The following TTLL11 variants were observed in gnomAD, a reference collection of about 807,000 sequenced individuals.
TTLL11 encodes tubulin tyrosine ligase like 11.
A neutral mutation model predicts 51.7 loss-of-function variants in TTLL11; 42 were observed. That is an observed-to-expected ratio of 0.81 (90% confidence interval 0.64 to 1.05). The LOEUF (loss-of-function observed/expected upper bound fraction) is 1.05, where lower values mean the gene tolerates loss of function less well. TTLL11 is among the 50% of genes least tolerant of loss of function. TTLL11 has a pLI of 0.00. For missense variants in TTLL11, 799 were observed against 940.4 expected (o/e 0.85, Z 1.97); for synonymous variants, 381 against 383.5 (o/e 0.99, Z 0.08).
Position 121,911,270 on chromosome 9 carries a change from G to A in TTLL11, c.1482-40522C>T, listed in dbSNP as rs570189217. On this transcript the variant is annotated intron_variant, in intron 6 of 8. Coordinates refer to ENST00000321582, the MANE Select transcript of TTLL11 (RefSeq NM_001139442.2). Reference sequence around the variant, plus strand: ...AAATTAGCCAGGCATGGTGGCGGGCGTCTGTAATCCCAGCTACTCTGGAGG... The same window carrying A: ...AAATTAGCCAGGCATGGTGGCGGGCATCTGTAATCCCAGCTACTCTGGAGG... Among the ~76,000 whole-genome samples the A allele has an allele frequency of 2.1e-3, 318 of 152,182 alleles. 1 individual carries two copies. The highest frequency in any genetic ancestry group is 7.3e-3 in the African/African-American group (303 of 41,522).
intron 1 of TTLL11, among the ~76,000 whole-genome samples, chr9:122,077,270 C>T (rs1845887800): frequency 1.3e-5 from 2 of 151,966 alleles, no homozygotes; most frequent in Non-Finnish European, 1.5e-5. Context: ...ACCAATAACG[C>T]CTAATTTGTG....
chr9:121,984,248 TA>T (rs141347541), intron 4 of TTLL11, among the ~76,000 whole-genome samples: 10,175 of 152,242 alleles, frequency 0.067, 655 homozygotes, highest in African/African-American at 0.16. Context: ...CTGTTAGGTT[TA>T]AAATGTGAAT....
intron 3 of TTLL11, among the ~76,000 whole-genome samples, chr9:122,020,779 G>A (rs996606404): frequency 9.2e-5 from 14 of 152,204 alleles, no homozygotes; most frequent in Non-Finnish European, 1.5e-4. Flanking sequence ...CTCTCTACCA[G>A]GTAGGCAAAC....
At chr9:121,938,146 G>A (rs946801383) in intron 6 of TTLL11, among the ~76,000 whole-genome samples, 12 of 152,134 alleles carry the variant, frequency 7.9e-5, no homozygotes, top group South Asian at 4.2e-4. Context: ...AACATTAGCC[G>A]GGCATGGTGG....
intron 3 of TTLL11, among the ~76,000 whole-genome samples, chr9:122,025,890 A>G (rs1396240406): frequency 6.6e-6 from 1 of 152,200 alleles, no homozygotes; most frequent in African/African-American, 2.4e-5. Flanking sequence ...ATCAACCCAA[A>G]TGTCCTGCAG....
chr9:122,091,315 T>C lies in TTLL11; in HGVS notation c.462+1372A>G, dbSNP rs189610559. ...CCAGTTGTACCTTTTCTAGCCCTCA[T>C]ATCTCTGGCCTGGACCTGGGGCCCT... On this transcript the variant is annotated intron_variant, in intron 1 of 8. Coordinates refer to ENST00000321582, the MANE Select transcript of TTLL11 (RefSeq NM_001139442.2). Among the ~76,000 whole-genome samples the C allele has an allele frequency of 3.3e-3, 500 of 152,316 alleles. 15 individuals carry two copies. The highest frequency in any genetic ancestry group is 0.031 in the Admixed American group (475 of 15,300).
At chr9:121,832,868 A>T (rs566395995) in intron 8 of TTLL11, among the ~76,000 whole-genome samples, 1 of 152,352 alleles carries the variant, frequency 6.6e-6, no homozygotes, top group East Asian at 1.9e-4. Context: ...TTAACCCAGG[A>T]GGCGGATGTT....
At chr9:121,918,871 G>A (rs1840429790) in intron 6 of TTLL11, among the ~76,000 whole-genome samples, 5 of 152,230 alleles carry the variant, frequency 3.3e-5, no homozygotes, top group Admixed American at 2.6e-4. Flanking sequence ...ATACAAAACA[G>A]TACATACAGT....
At chr9:122,063,438 T>A (rs1312800523) in intron 1 of TTLL11, among the ~76,000 whole-genome samples, 1 of 152,208 alleles carries the variant, frequency 6.6e-6, no homozygotes, top group East Asian at 1.9e-4. Flanking sequence ...AACAGGTCAC[T>A]AGCTGTAGCC....
At chr9:121,876,207 C>A (rs538150294) in intron 6 of TTLL11, among the ~76,000 whole-genome samples, 2 of 152,290 alleles carry the variant, frequency 1.3e-5, no homozygotes, top group South Asian at 4.1e-4. Context: ...CTTTTGTGAT[C>A]ATTTGATTTA....
chr9:121,841,449 T>C (rs1837343492), intron 8 of TTLL11, among the ~76,000 whole-genome samples: 1 of 152,128 alleles, frequency 6.6e-6, no homozygotes, highest in African/African-American at 2.4e-5. Context: ...AGGCTGCGCT[T>C]ATGTAAGGCT....
intron 6 of TTLL11, among the ~76,000 whole-genome samples, chr9:121,875,405 G>A (rs546076848): frequency 3.9e-5 from 6 of 152,108 alleles, no homozygotes; most frequent in East Asian, 1.9e-4. Context: ...TTCTTCTAGC[G>A]ACAGCCTTTC....
chr9:121,913,927 A>G (rs1027276879), intron 6 of TTLL11, among the ~76,000 whole-genome samples: 1 of 152,200 alleles, frequency 6.6e-6, no homozygotes, highest in Non-Finnish European at 1.5e-5. Context: ...CCCCTGTGAC[A>G]TCTACAGGCC....
rs142337614 is a variant in TTLL11 at position 121,830,475 on chromosome 9, G to C, written c.1841-7596C>G. The stretch of plus-strand genomic sequence containing the variant: ...CACTTGGAATGCCCATCTGCAAAGC[G>C]GGGCTTATTTGCAAAAGGACCTGCC... On this transcript the variant is annotated intron_variant, in intron 8 of 8. Coordinates refer to ENST00000321582, the MANE Select transcript of TTLL11 (RefSeq NM_001139442.2). Among the ~76,000 whole-genome samples the C allele has an allele frequency of 3.3e-5, 5 of 152,296 alleles. No homozygotes were observed. In the East Asian group the frequency reaches 9.6e-4, roughly 29 times the overall value.
intron 3 of TTLL11, among the ~76,000 whole-genome samples, 178 bp downstream of exon 3, chr9:122,031,545 T>A (rs2131808050): frequency 6.6e-6 from 1 of 152,320 alleles, no homozygotes; most frequent in East Asian, 1.9e-4. Context: ...CCTGTCACCC[T>A]ACTCGTTCAA....
chr9:121,860,187 T>C (rs771370112), intron 8 of TTLL11, 150 bp downstream of exon 8: 17 of 616,972 alleles, frequency 2.8e-5, no homozygotes, highest in Non-Finnish European at 4.4e-5. Context: ...GCTCCAGCAT[T>C]TAAATTCAGC....
At chr9:121,885,831 C>T (rs1429008648) in intron 6 of TTLL11, among the ~76,000 whole-genome samples, 1 of 152,168 alleles carries the variant, frequency 6.6e-6, no homozygotes, top group African/African-American at 2.4e-5. Flanking sequence ...TGGCCTCATG[C>T]AATCCTCTTG....
intron 6 of TTLL11, among the ~76,000 whole-genome samples, chr9:121,874,175 GT>G (rs926199289): frequency 1.3e-5 from 2 of 151,888 alleles, no homozygotes; most frequent in African/African-American, 2.4e-5. Context: ...TAATTTTTAA[GT>G]TTTTTTTGTA....
At chr9:122,028,545 G>A (rs555012011) in intron 3 of TTLL11, among the ~76,000 whole-genome samples, 2 of 152,258 alleles carry the variant, frequency 1.3e-5, no homozygotes, top group South Asian at 4.1e-4. Flanking sequence ...GGAAAACACT[G>A]ACAGAACTAA....
Sources: gnomAD v4.1 joint callset for allele counts (sites outside exome capture counted in the v4.1 genomes callset) on GRCh38, gnomAD v4.1.1 for gene constraint, MANE v1.5 for transcripts, NCBI Gene and HGNC (gene_info 2026-07-23, HGNC 2026-07-21) for gene names.